FSIP1: variants seen among roughly 807,000 people sequenced by gnomAD.
The protein encoded by FSIP1 is fibrous sheath-interacting protein 1.
In FSIP1, 65 loss-of-function variants were observed where a neutral mutation model predicts 60.9. The observed-to-expected ratio is 1.07, with a 90% confidence interval of 0.87 to 1.31. FSIP1 has a LOEUF of 1.31. FSIP1 is among the 40% of genes most tolerant of loss of function. FSIP1 has a pLI of 0.00. For missense variants in FSIP1, 675 were observed against 665.5 expected (o/e 1.01, Z -0.16); for synonymous variants, 209 against 221.2 (o/e 0.94, Z 0.49).
At chr15:39,711,347 C>G (rs1201930828) in intron 10 of FSIP1, among the ~76,000 whole-genome samples, 1 of 152,112 alleles carries the variant, frequency 6.6e-6, no homozygotes, top group Non-Finnish European at 1.5e-5. Context: ...TAATTTCACT[C>G]ACGAGGGCTT....
chr15:39,670,271 T>C (rs1229662655), intron 10 of FSIP1, among the ~76,000 whole-genome samples: 1 of 152,202 alleles, frequency 6.6e-6, no homozygotes, highest in Non-Finnish European at 1.5e-5. Flanking sequence ...ACCAACTATG[T>C]GCCAGTCAAT....
chr15:39,696,232 TAACATATGTGACAAAG>T (rs1894808264), intron 10 of FSIP1, among the ~76,000 whole-genome samples: 1 of 152,168 alleles, frequency 6.6e-6, no homozygotes. Flanking sequence ...GTAAAATCTG[TAACATATGTGACAAAG>T]AGTATATGTT....
chr15:39,694,831 G>GAT (rs201447597), intron 10 of FSIP1, among the ~76,000 whole-genome samples: 99 of 151,222 alleles, frequency 6.5e-4, no homozygotes, highest in Non-Finnish European at 8.3e-4. Flanking sequence ...ATAAAAAAAA[G>GAT]ATATATATAT....
chr15:39,641,115 C>A (rs1264014764), intron 10 of FSIP1, among the ~76,000 whole-genome samples: 2 of 152,106 alleles, frequency 1.3e-5, no homozygotes, highest in Non-Finnish European at 2.9e-5. Context: ...CTATTAGACA[C>A]CTGGAAATCT....
At chr15:39,781,188 C>T (rs1566925390) in intron 1 of FSIP1, among the ~76,000 whole-genome samples, 2 of 152,054 alleles carry the variant, frequency 1.3e-5, no homozygotes, top group South Asian at 4.1e-4. Flanking sequence ...AGATGATGTA[C>T]GGATGGCAAA....
intron 10 of FSIP1, among the ~76,000 whole-genome samples, chr15:39,674,546 T>C (rs1191852072): frequency 2.0e-5 from 3 of 151,408 alleles, no homozygotes; most frequent in African/African-American, 7.3e-5. Flanking sequence ...GGGAGAGACA[T>C]ATTGACCTAT....
intron 10 of FSIP1, among the ~76,000 whole-genome samples, chr15:39,674,339 C>T (rs1370775959): frequency 6.6e-6 from 1 of 152,176 alleles, no homozygotes; most frequent in African/African-American, 2.4e-5. Flanking sequence ...CAGGCGTGAG[C>T]CACTGCATCC....
chr15:39,773,943 T>C (rs1294325172), intron 2 of FSIP1, among the ~76,000 whole-genome samples: 4 of 152,214 alleles, frequency 2.6e-5, no homozygotes, highest in Non-Finnish European at 4.4e-5. Context: ...TTGATTGTAA[T>C]GGTAGTTATA....
chr15:39,748,293 G>A (rs1036925517), intron 5 of FSIP1, among the ~76,000 whole-genome samples: 29 of 152,142 alleles, frequency 1.9e-4, no homozygotes, highest in African/African-American at 7.0e-4. Flanking sequence ...TAAGATGAAT[G>A]CAAATCAAAT....
intron 9 of FSIP1, 67 bp from the exon 10 acceptor site, chr15:39,713,648 A>T: frequency 7.1e-7 from 1 of 1,411,184 alleles, no homozygotes; most frequent in Non-Finnish European, 9.6e-7. Flanking sequence ...ACCACCTCAA[A>T]GCAACTGAGC....
chr15:39,726,842 T>C lies in FSIP1; in HGVS notation c.892-95A>G, dbSNP rs796292292. Reference sequence around the variant, plus strand: ...CTATAACAGTGCCCAGGTCTTCACATACACACACAAACACACACACACACA... The same window carrying C: ...CTATAACAGTGCCCAGGTCTTCACACACACACACAAACACACACACACACA... On this transcript the variant is annotated intron_variant, in intron 8 of 11. Transcript: ENST00000350221. 4.3e-5 allele frequency: 33 copies of C among 760,626 alleles called. No individual in the cohort carries two copies. The African/African-American group carries it at 5.2e-4, about 12-fold the overall frequency. The allele number at this position is 760,626 out of a possible 1,614,324, so 47.1% of individuals were successfully genotyped here.
At chr15:39,662,706 C>A (rs186077466) in intron 10 of FSIP1, among the ~76,000 whole-genome samples, 3 of 124,616 alleles carry the variant, frequency 2.4e-5, no homozygotes, top group African/African-American at 8.8e-5. Context: ...TAAGAAAAAC[C>A]CACTAAGTCA....
At chr15:39,651,038 G>T (rs1049221078) in intron 10 of FSIP1, among the ~76,000 whole-genome samples, 1 of 152,178 alleles carries the variant, frequency 6.6e-6, no homozygotes, top group Admixed American at 6.5e-5. Flanking sequence ...GTCAGATGGA[G>T]TCCCAGAGGG....
chr15:39,750,979 T>C (rs748046783), intron 5 of FSIP1, among the ~76,000 whole-genome samples: 1 of 151,866 alleles, frequency 6.6e-6, no homozygotes, highest in Non-Finnish European at 1.5e-5. Context: ...AGTAAATAGA[T>C]ATTTTTTCAA....
intron 5 of FSIP1, among the ~76,000 whole-genome samples, chr15:39,762,020 G>A (rs1897517472): frequency 6.6e-6 from 1 of 152,206 alleles, no homozygotes; most frequent in African/African-American, 2.4e-5. Context: ...GATGCCTGGA[G>A]CAGGTCAGGG....
intron 2 of FSIP1, 42 bp from the exon 3 acceptor site, chr15:39,770,652 G>GT (rs771972102): frequency 5.7e-4 from 730 of 1,278,400 alleles, no homozygotes; most frequent in Non-Finnish European, 6.7e-4. Flanking sequence ...CGAAAATACT[G>GT]TCTTTTTTTA....
intron 10 of FSIP1, among the ~76,000 whole-genome samples, chr15:39,640,220 C>T (rs960982026): frequency 1.3e-5 from 2 of 152,198 alleles, no homozygotes; most frequent in Admixed American, 6.5e-5. Flanking sequence ...AGAATTGTCA[C>T]TTAATCTCTG....
intron 10 of FSIP1, among the ~76,000 whole-genome samples, chr15:39,626,607 T>C (rs1891649490): frequency 6.6e-6 from 1 of 152,162 alleles, no homozygotes; most frequent in African/African-American, 2.4e-5. Context: ...CATGCTGTTC[T>C]TGTGATAGTG....
At chr15:39,695,077 A>G (rs921780724) in intron 10 of FSIP1, among the ~76,000 whole-genome samples, 1 of 152,164 alleles carries the variant, frequency 6.6e-6, no homozygotes, top group African/African-American at 2.4e-5. Context: ...GCTTTTATGT[A>G]GGTTGTACTT....
Sources: gnomAD v4.1 joint callset for allele counts (sites outside exome capture counted in the v4.1 genomes callset) on GRCh38, gnomAD v4.1.1 for gene constraint, MANE v1.5 for transcripts, NCBI Gene and HGNC (gene_info 2026-07-23, HGNC 2026-07-21) for gene names.